KHSRP: variants seen among roughly 807,000 people sequenced by gnomAD.
KHSRP encodes the protein far upstream element-binding protein 2.
A neutral mutation model predicts 94.9 loss-of-function variants in KHSRP; 13 were observed. That is an observed-to-expected ratio of 0.14 (90% CI 0.09 to 0.22). KHSRP has a LOEUF of 0.22. Ranked by LOEUF, KHSRP falls within the 10% of genes least tolerant of loss-of-function variation. The pLI is 1.00. For missense variants in KHSRP, 710 were observed against 1,010.0 expected (o/e 0.70, Z 4.03); for synonymous variants, 495 against 401.4 (o/e 1.23, Z -2.79).
Position 6,420,517 on chromosome 19 carries a change from G to A in KHSRP, c.426-46C>T, listed in dbSNP as rs373760723. On this transcript the variant is annotated intron_variant, in intron 4 of 18. Transcript: ENST00000600480. ...GGTCAGTCCTCAAGTGGGAAGGGAGGAGGACAGCAGCTCTGGAAGGTCTAC... is the reference window on the plus strand; with the variant it reads ...GGTCAGTCCTCAAGTGGGAAGGGAGAAGGACAGCAGCTCTGGAAGGTCTAC... 10 of 1,574,864 alleles carry A rather than the reference G, an allele frequency of 6.3e-6. No individual in the cohort carries two copies. In the South Asian group the frequency reaches 8.9e-5, roughly 14 times the overall value.
rs763400019 is a variant in KHSRP at position 6,415,359 on chromosome 19, C to T, written c.1966+21G>A. The T allele has an allele frequency of 7.5e-6, 12 of 1,610,536 alleles. No individual in the cohort carries two copies. The South Asian group carries it at 7.7e-5, about 10-fold the overall frequency. Reference sequence around the variant, plus strand: ...GGGTGAGGGCTGCCCCTGCCCCTGTCCCCGCATGGTGGCCACTCACCTTGC... The same window carrying T: ...GGGTGAGGGCTGCCCCTGCCCCTGTTCCCGCATGGTGGCCACTCACCTTGC... On this transcript the variant is annotated intron_variant, in intron 18 of 18. Coordinates refer to ENST00000600480, the MANE Select transcript of KHSRP (RefSeq NM_001366299.1).
intron 4 of KHSRP, among the ~76,000 whole-genome samples, chr19:6,420,695 G>A (rs928998583): frequency 2.0e-5 from 3 of 152,238 alleles, no homozygotes; most frequent in Admixed American, 6.5e-5. Context: ...AGGGCGAGAG[G>A]GAGCACTGAG....
At position 6,414,850 on chromosome 19, in the gene KHSRP, C is replaced by G. The variant is rs1330072741; in HGVS notation, c.*174G>C. The G allele has an allele frequency of 7.7e-7, 1 of 1,290,976 alleles. No individual in the cohort carries two copies. The highest frequency in any genetic ancestry group is 1.5e-5 in the African/African-American group (1 of 65,694). 80.0% of individuals were successfully genotyped at this position (1,290,976 alleles called of 1,614,324 possible). ...CCTGCCCCCCGACTCCCCAGCAGTT[C>G]AGAAGTCCCGCCTGCGAGTCTCAGC... is the stretch of plus-strand genomic sequence containing the variant. On this transcript the variant is annotated 3_prime_UTR_variant, in exon 19 of 19. Coordinates refer to ENST00000600480, the MANE Select transcript of KHSRP (RefSeq NM_001366299.1).
chr19:6,420,379 TG>T (rs1198620717), intron 5 of KHSRP, 42 bp downstream of exon 5: 1 of 1,598,992 alleles, frequency 6.3e-7, no homozygotes. Flanking sequence ...CACTTCCTCC[TG>T]GGGAAGAGTG....
Position 6,418,130 on chromosome 19 carries a change from C to CT in KHSRP, c.880-52_880-51insA. The CT allele has an allele frequency of 6.6e-7, 1 of 1,506,028 alleles. No individual in the cohort carries two copies. Among genetic ancestry groups the CT allele is most frequent in the African/African-American group, 1.4e-5 (1 of 72,712 alleles). The allele number at this position is 1,506,028 out of a possible 1,614,324, so 93.3% of individuals were successfully genotyped here. On this transcript the variant is annotated intron_variant, in intron 9 of 18. Transcript: ENST00000600480. This position sits in a 1 kb window ranked among gnomAD's most constrained non-coding sequence, Gnocchi z 4.3. ...CATGGGTGAGCCCTGCTGCCCCACA[C>CT]CCCCCCACCTCCTCGGGGGTGCGGG...
Position 6,418,106 on chromosome 19 carries a change from A to G in KHSRP, c.880-27T>C. 1 of 1,603,714 alleles carries G rather than the reference A, an allele frequency of 6.2e-7. No individual in the cohort carries two copies. The highest frequency in any genetic ancestry group is 8.5e-7 in the Non-Finnish European group (1 of 1,170,990). The stretch of plus-strand genomic sequence containing the variant: ...TGCAAACACACAGGAAGCAGCCCCC[A>G]TGGGTGAGCCCTGCTGCCCCACACC... On this transcript the variant is annotated intron_variant, in intron 9 of 18. Coordinates refer to ENST00000600480, the MANE Select transcript of KHSRP (RefSeq NM_001366299.1). This position sits in a 1 kb window ranked among gnomAD's most constrained non-coding sequence, Gnocchi z 4.3.
intron 6 of KHSRP, 149 bp downstream of exon 6, chr19:6,419,924 G>A (rs1463862363): frequency 1.5e-6 from 1 of 651,098 alleles, no homozygotes; most frequent in Non-Finnish European, 2.7e-6. Context: ...AGTGGAGTGA[G>A]ATACTGCACT....
At chr19:6,420,800 G>A (rs1454378785) in intron 4 of KHSRP, among the ~76,000 whole-genome samples, 1 of 152,142 alleles carries the variant, frequency 6.6e-6, no homozygotes, top group Non-Finnish European at 1.5e-5. Context: ...GAAACTACTG[G>A]CCCATTAAAA....
Position 6,415,889 on chromosome 19 carries a change from C to G in KHSRP, c.1606G>C (p.Gly536Arg), listed in dbSNP as rs1473566747. 1 of 1,519,794 alleles carries G rather than the reference C, an allele frequency of 6.6e-7. No individual in the cohort carries two copies. Among genetic ancestry groups the G allele is most frequent in the Non-Finnish European group, 8.8e-7 (1 of 1,133,218 alleles). 94.1% of individuals were successfully genotyped at this position (1,519,794 alleles called of 1,614,324 possible). ...GGTGGGTACTGGTGAGGAGGGGGCCCCCCGGCACTGCAGGAGAGAAGAAAG... is the reference window on the plus strand; with the variant it reads ...GGTGGGTACTGGTGAGGAGGGGGCCGCCCGGCACTGCAGGAGAGAAGAAAG... ...GPPGAPPHAG[G>R]PPPHQYPPQG... Residue 536 changes from glycine (G) to arginine (R), a missense_variant, in exon 16 of 19, where the codon GGG becomes CGG. Physicochemically the swap from Gly to Arg is moderately radical, Grantham distance 125. This residue lies in a region of KHSRP where 292 missense variants were observed against 340.5 expected (regional missense o/e 0.86). Coordinates refer to ENST00000600480, the MANE Select transcript of KHSRP (RefSeq NM_001366299.1).
At chr19:6,424,030 C>G (rs1427448700) in intron 1 of KHSRP, 1 of 152,422 alleles carries the variant, frequency 6.6e-6, no homozygotes, top group East Asian at 1.9e-4. Context: ...ATGTCCCTTT[C>G]TCCTAGAGAG....
intron 15 of KHSRP, 69 bp from the exon 16 acceptor site, chr19:6,415,965 G>T: frequency 9.6e-7 from 1 of 1,046,566 alleles, no homozygotes; most frequent in Non-Finnish European, 1.4e-6. Context: ...CACCTGGGGT[G>T]GGGATGTTTT....
In KHSRP at chr19:6,415,750, C is replaced by T. The variant is rs778432931; in HGVS notation, c.1688-16G>A. On this transcript the variant is annotated splice_polypyrimidine_tract_variant and intron_variant, in intron 16 of 18. Coordinates refer to ENST00000600480, the MANE Select transcript of KHSRP (RefSeq NM_001366299.1). The stretch of plus-strand genomic sequence containing the variant: ...GCTGCTTTGCCTGCAGGAGATACCT[C>T]GGGTGAGACGGGGGGACAGAACAGG... 4.1e-5 allele frequency: 64 copies of T among 1,550,768 alleles called. No homozygotes were observed. The South Asian group carries it at 4.9e-4, about 12-fold the overall frequency.
Position 6,424,668 on chromosome 19 carries a change from C to G in KHSRP, c.34G>C (p.Gly12Arg). ...CCCCCGCCGGCGGGCGGCGGCGGCC[C>G]GGGCGGGGGTCCTCCCGTGCTGTAG... ...SDYSTGGPPPGPPPPAGGGGG... is the reference protein window; with the variant it reads ...SDYSTGGPPPRPPPPAGGGGG... The change falls in exon 1 of 19, where the codon GGG becomes CGG. Residue 12 changes from glycine to arginine, a missense_variant. By Grantham distance (125) the Gly-to-Arg change is moderately radical. Around this residue, in one of 5 missense-constraint regions of KHSRP, gnomAD observed 92 missense variants for 80.8 expected, o/e 1.14. Transcript: ENST00000600480. The G allele has an allele frequency of 2.0e-6, 2 of 1,024,880 alleles. No homozygotes were observed. Among genetic ancestry groups the G allele is most frequent in the Non-Finnish European group, 2.3e-6 (2 of 856,998 alleles). 63.5% of individuals were successfully genotyped at this position (1,024,880 alleles called of 1,614,324 possible).
At position 6,416,318 on chromosome 19, in the gene KHSRP, C is replaced by A. The variant is rs754520766; in HGVS notation, c.1578G>T (p.Gly526=). ...CTCACTGTGGGGGAGCCCCGGGTGG[C>A]CCCTGGTTGAAGGGCCCAGGATTGA... The part of the protein sequence containing the change: ...GPFNPGPFNQ[G]PPGAPPHAGG... The change falls in exon 15 of 19, where the codon GGG becomes GGT. Residue 526 remains glycine (G), a synonymous_variant. Coordinates refer to ENST00000600480, the MANE Select transcript of KHSRP (RefSeq NM_001366299.1). 15 of 1,602,656 alleles carry A rather than the reference C, an allele frequency of 9.4e-6. No individual in the cohort carries two copies. The African/African-American group carries it at 1.5e-4, about 16-fold the overall frequency.
intron 1 of KHSRP, among the ~76,000 whole-genome samples, chr19:6,423,220 G>A (rs1434359713): frequency 6.6e-6 from 1 of 152,162 alleles, no homozygotes; most frequent in Non-Finnish European, 1.5e-5. Context: ...TGGAGGCTGT[G>A]GTGTGCTGAG....
chr19:6,413,151 G>GA lies in KHSRP; in HGVS notation c.*1872_*1873insT, dbSNP rs1568339214. On this transcript the variant is annotated 3_prime_UTR_variant, in exon 19 of 19. Transcript: ENST00000600480. ...ATTTAACAAAAAAAAAAAAGGGGGGGGGGCACGGTTAGGAAAGCACATTGA... is the reference window on the plus strand; with the variant it reads ...ATTTAACAAAAAAAAAAAAGGGGGGGAGGGCACGGTTAGGAAAGCACATTGA... 1.4e-5 allele frequency among the ~76,000 whole-genome samples: 2 copies of GA among 143,688 alleles called. No individual in the cohort carries two copies. Among genetic ancestry groups the GA allele is most frequent in the African/African-American group, 5.0e-5 (2 of 40,016 alleles). 94.3% of individuals were successfully genotyped at this position (143,688 alleles called of 152,430 possible). A position where few individuals can be genotyped will look rare whatever the true frequency, so the allele number is the denominator to read the frequency against.
Position 6,418,423 on chromosome 19 carries a change from G to A in KHSRP, c.879+60C>T, listed in dbSNP as rs1415324278. On this transcript the variant is annotated intron_variant, in intron 9 of 18. Transcript: ENST00000600480. This position sits in a 1 kb window ranked among gnomAD's most constrained non-coding sequence, Gnocchi z 4.3. ...CGGAATGCAGACCCCGAGACCGCTG[G>A]CCCTGCCCACCTGCCCGTGCCTCTC... is the stretch of plus-strand genomic sequence containing the variant. The A allele has an allele frequency of 3.2e-6, 4 of 1,245,500 alleles. No homozygotes were observed. The highest frequency in any genetic ancestry group is 4.7e-6 in the Non-Finnish European group (4 of 854,774). 77.2% of individuals were successfully genotyped at this position (1,245,500 alleles called of 1,614,324 possible).
rs1482498007 is a variant in KHSRP, at chr19:6,415,745, T to C, written c.1688-11A>G. On this transcript the variant is annotated splice_polypyrimidine_tract_variant and intron_variant, in intron 16 of 18. Transcript: ENST00000600480. Reference sequence around the variant, plus strand: ...CTGCAGCTGCTTTGCCTGCAGGAGATACCTCGGGTGAGACGGGGGGACAGA... The same window carrying C: ...CTGCAGCTGCTTTGCCTGCAGGAGACACCTCGGGTGAGACGGGGGGACAGA... The C allele has an allele frequency of 1.9e-6, 3 of 1,550,674 alleles. No individual in the cohort carries two copies. The highest frequency in any genetic ancestry group is 2.0e-5 in the Admixed American group (1 of 51,010).
Position 6,417,736 on chromosome 19 carries a change from G to A in KHSRP, c.1081+3C>T. On this transcript the variant is annotated splice_donor_region_variant and intron_variant, in intron 11 of 18. Coordinates refer to ENST00000600480, the MANE Select transcript of KHSRP (RefSeq NM_001366299.1). ...CCAGGGGCAGGGTGGGCCAGGCCCT[G>A]ACCTTGCTTGAACTGTATCCGCACG... The A allele has an allele frequency of 1.2e-6, 2 of 1,612,950 alleles. No individual in the cohort carries two copies.
Sources: gnomAD v4.1 joint callset for allele counts (sites outside exome capture counted in the v4.1 genomes callset) on GRCh38, gnomAD v4.1.1 for gene constraint, gnomAD v4.1.1 regional missense constraint, Gnocchi (gnomAD v3.1) non-coding constraint, MANE v1.5 for transcripts, NCBI Gene and HGNC (gene_info 2026-07-23, HGNC 2026-07-21) for gene names.